ZNF451: variants seen among roughly 807,000 people sequenced by gnomAD.
ZNF451 encodes the protein zinc finger protein 451, also known as E3 SUMO-protein ligase ZNF451.
ZNF451 carries 80 observed loss-of-function variants against 107.1 expected under a neutral mutation model. The observed-to-expected ratio is 0.75, with a 90% CI of 0.62 to 0.90. ZNF451 has a LOEUF of 0.90. Among genes scored for constraint, ZNF451 ranks in the 40% least tolerant of loss-of-function variants. The pLI is 0.00. For synonymous variants in ZNF451, 362 were observed against 406.5 expected (o/e 0.89, Z 1.32); for missense variants, 1,107 against 1,236.2 (o/e 0.90, Z 1.57).
chr6:57,151,143 C>T (rs1190207557), intron 11 of ZNF451: 11 of 237,762 alleles, frequency 4.6e-5, no homozygotes, highest in Non-Finnish European at 6.5e-5. Context: ...GGACGGATCA[C>T]GAGGTCAGAA....
In ZNF451 at chr6:57,148,343, T is replaced by G. The variant is rs1320046420; in HGVS notation, c.2258T>G (p.Phe753Cys). The G allele has an allele frequency of 1.9e-6, 3 of 1,614,026 alleles. No individual in the cohort carries two copies. Among genetic ancestry groups the G allele is most frequent in the Non-Finnish European group, 2.5e-6 (3 of 1,179,970 alleles). The change falls in exon 10 of 15, where the codon TTT becomes TGT. Residue 753 changes from phenylalanine to cysteine, a missense_variant. Around this residue, in one of 5 missense-constraint regions of ZNF451, gnomAD observed 608 missense variants for 649.2 expected, o/e 0.94. Coordinates refer to ENST00000370706, the MANE Select transcript of ZNF451 (RefSeq NM_001031623.3). ...ATGCTGGATAAAGGAAAACTGTGGT[T>G]TCGCTGCAGTTTATGTTCGGCAACA... ...QIMLDKGKLW[F>C]RCSLCSATAQ...
chr6:57,106,818 G>T, intron 3 of ZNF451: 1 of 984,930 alleles, frequency 1.0e-6, no homozygotes, highest in Non-Finnish European at 1.2e-6. Flanking sequence ...ACACAAACCA[G>T]TCTTTATTTT....
intron 3 of ZNF451, among the ~76,000 whole-genome samples, chr6:57,110,397 C>CA (rs1562596601): frequency 6.6e-6 from 1 of 152,164 alleles, no homozygotes; most frequent in Admixed American, 6.5e-5. Context: ...CCATTATGTA[C>CA]ATCTAGAACA....
chr6:57,162,108 T>C lies in ZNF451; in HGVS notation c.3139+956T>C, dbSNP rs576967017. Among the ~76,000 whole-genome samples, 44 of 152,340 alleles carry C rather than the reference T, an allele frequency of 2.9e-4. No individual in the cohort carries two copies. In the South Asian group the frequency reaches 8.9e-3, roughly 31 times the overall value. On this transcript the variant is annotated intron_variant, in intron 14 of 14. Coordinates refer to ENST00000370706, the MANE Select transcript of ZNF451 (RefSeq NM_001031623.3). ...TTCACTGGAGAAGTTGAAAGTGTTA[T>C]ATCGGCATCTTTGACATTAAAGAAA...
rs778962045 is a variant in ZNF451, at chr6:57,133,107, G to A, written c.490G>A (p.Val164Met). 1.9e-6 allele frequency: 3 copies of A among 1,614,172 alleles called. No individual in the cohort carries two copies. The highest frequency in any genetic ancestry group is 4.5e-5 in the East Asian group (2 of 44,862). Residue 164 changes from valine to methionine, a missense_variant, in exon 6 of 15, where the codon GTG becomes ATG. By Grantham distance (21) the Val-to-Met change is conservative. Transcript: ENST00000370706. ...SSFRRGGHTWVSGKPILCPIM... is the reference protein window; with the variant it reads ...SSFRRGGHTWMSGKPILCPIM... ...ATTCCGAAGAGGAGGCCACACGTGG[G>A]TGTCTGGGAAACCAATTTTATGTCC...
chr6:57,137,954 A>G (rs1831514982), intron 7 of ZNF451, among the ~76,000 whole-genome samples: 1 of 152,228 alleles, frequency 6.6e-6, no homozygotes, highest in Non-Finnish European at 1.5e-5. Context: ...ATTGCCAAAT[A>G]ATATTTCATT....
At chr6:57,162,028 A>G (rs1285605530) in intron 14 of ZNF451, among the ~76,000 whole-genome samples, 1 of 152,206 alleles carries the variant, frequency 6.6e-6, no homozygotes, top group East Asian at 1.9e-4. Flanking sequence ...AACAGACTGC[A>G]CTTTTTAATA....
intron 14 of ZNF451, chr6:57,165,609 T>A (rs1182921958): frequency 6.6e-6 from 1 of 152,256 alleles, no homozygotes; most frequent in Non-Finnish European, 1.5e-5. Flanking sequence ...CCTGAGTTTC[T>A]ATTTGATGGG....
chr6:57,138,561 C>G (rs2127971402), intron 7 of ZNF451, among the ~76,000 whole-genome samples: 1 of 151,316 alleles, frequency 6.6e-6, no homozygotes. Context: ...CATGCCCAGC[C>G]CTACTTTTTT....
intron 2 of ZNF451, among the ~76,000 whole-genome samples, chr6:57,094,322 T>C (rs991232307): frequency 1.3e-5 from 2 of 152,118 alleles, no homozygotes; most frequent in Non-Finnish European, 2.9e-5. Context: ...TTTTTATTTC[T>C]ATTTCAGAGA....
chr6:57,100,916 T>C lies in ZNF451; in HGVS notation c.186+1775T>C. ...GCCTCTTCTGAGGTCAAAGAGAATT[T>C]ACGTATAGATTCTTCTTCAGCTTCA... On this transcript the variant is annotated intron_variant, in intron 3 of 14. Transcript: ENST00000370706. 3 of 1,550,822 alleles carry C rather than the reference T, an allele frequency of 1.9e-6. 1 individual carries two copies. The South Asian group carries it at 3.6e-5, about 18-fold the overall frequency.
intron 3 of ZNF451, chr6:57,100,642 C>T (rs745360100): frequency 1.9e-6 from 3 of 1,539,790 alleles, no homozygotes; most frequent in African/African-American, 2.8e-5. Context: ...TGAGAATCAT[C>T]GCCCAGAAAT....
At chr6:57,105,668 T>C in intron 3 of ZNF451, 1 of 985,394 alleles carries the variant, frequency 1.0e-6, no homozygotes, top group African/African-American at 1.7e-5. Flanking sequence ...TGGGGGGCCT[T>C]AAGGCAGCTT....
chr6:57,136,755 A>G (rs1831448390), intron 7 of ZNF451, among the ~76,000 whole-genome samples: 1 of 152,064 alleles, frequency 6.6e-6, no homozygotes, highest in South Asian at 2.1e-4. Context: ...AGTAAATTTG[A>G]GTAGGTAGTT....
chr6:57,146,073 T>C (rs1832049431), intron 9 of ZNF451, among the ~76,000 whole-genome samples: 1 of 152,062 alleles, frequency 6.6e-6, no homozygotes, highest in East Asian at 1.9e-4. Flanking sequence ...TATGGGCCAG[T>C]TGTATGTCTT....
chr6:57,121,123 A>C (rs1307597409), intron 3 of ZNF451, among the ~76,000 whole-genome samples: 1 of 152,092 alleles, frequency 6.6e-6, no homozygotes, highest in Non-Finnish European at 1.5e-5. Context: ...TTGTTCAAAC[A>C]CCATTTGTTG....
chr6:57,090,423 C>G, intron 1 of ZNF451, 149 bp downstream of exon 1: 1 of 1,274,258 alleles, frequency 7.8e-7, no homozygotes, highest in South Asian at 1.7e-5. Context: ...GGGCCTGGTG[C>G]GTGTCTGAGC....
chr6:57,102,123 G>C (rs1225089197), intron 3 of ZNF451: 1 of 1,467,368 alleles, frequency 6.8e-7, no homozygotes, highest in African/African-American at 1.4e-5. Flanking sequence ...CAGCAGAGTA[G>C]TCATTCAAGA....
At chr6:57,131,814 A>G (rs1211423817) in intron 5 of ZNF451, among the ~76,000 whole-genome samples, 1 of 152,244 alleles carries the variant, frequency 6.6e-6, no homozygotes, top group African/African-American at 2.4e-5. Flanking sequence ...GAGTGAAATT[A>G]GTCCACAAGA....
Sources: gnomAD v4.1 joint callset for allele counts (sites outside exome capture counted in the v4.1 genomes callset) on GRCh38, gnomAD v4.1.1 for gene constraint, gnomAD v4.1.1 regional missense constraint, MANE v1.5 for transcripts, NCBI Gene and HGNC (gene_info 2026-07-23, HGNC 2026-07-21) for gene names.